The following KCNIP1 variants were observed in gnomAD, a reference collection of about 807,000 sequenced individuals.
KCNIP1 encodes A-type potassium channel modulatory protein KCNIP1.
In KCNIP1, 18 loss-of-function variants were observed where a neutral mutation model predicts 33.0. The observed-to-expected ratio is 0.55, with a 90% CI of 0.38 to 0.81. KCNIP1 has a LOEUF of 0.81. KCNIP1 is among the 30% of genes least tolerant of loss of function. The probability of loss-of-function intolerance (pLI) is 0.00; values close to 1 mark genes in which losing one functional copy is unlikely to be tolerated. For missense variants in KCNIP1, 238 were observed against 271.6 expected (o/e 0.88, Z 0.87); for synonymous variants, 93 against 98.3 (o/e 0.95, Z 0.32).
At chr5:170,623,619 T>C (rs1759698227) in intron 1 of KCNIP1, among the ~76,000 whole-genome samples, 1 of 152,022 alleles carries the variant, frequency 6.6e-6, no homozygotes, top group African/African-American at 2.4e-5. Context: ...ACGAAACCGA[T>C]GCGAAAAGTG....
chr5:170,710,680 AT>A (rs561232378), intron 1 of KCNIP1, among the ~76,000 whole-genome samples: 2 of 152,060 alleles, frequency 1.3e-5, no homozygotes, highest in Admixed American at 6.6e-5. Context: ...AAATGATGAG[AT>A]TTTTTTTTAA....
At chr5:170,367,107 T>G (rs1763684358) in intron 1 of KCNIP1, among the ~76,000 whole-genome samples, 1 of 151,926 alleles carries the variant, frequency 6.6e-6, no homozygotes, top group Non-Finnish European at 1.5e-5. Flanking sequence ...TCCCTTGAGG[T>G]CAGGAGCTCG....
At chr5:170,562,720 C>T (rs1031536672) in intron 1 of KCNIP1, among the ~76,000 whole-genome samples, 1 of 152,202 alleles carries the variant, frequency 6.6e-6, no homozygotes, top group African/African-American at 2.4e-5. Context: ...CAACAAGGGG[C>T]ACATTTGCAT....
chr5:170,426,063 C>T (rs1438128938), intron 1 of KCNIP1, among the ~76,000 whole-genome samples: 1 of 152,304 alleles, frequency 6.6e-6, no homozygotes, highest in Admixed American at 6.5e-5. Context: ...AGCCTGGTGG[C>T]CGCTTCTCCA....
At chr5:170,569,292 C>T (rs970489117) in intron 1 of KCNIP1, among the ~76,000 whole-genome samples, 18 of 152,244 alleles carry the variant, frequency 1.2e-4, no homozygotes, top group African/African-American at 4.3e-4. Flanking sequence ...ATCTGCACCC[C>T]CACCCCCCGC....
chr5:170,486,467 A>C (rs888996620), intron 1 of KCNIP1: 4 of 152,400 alleles, frequency 2.6e-5, no homozygotes, highest in African/African-American at 7.2e-5. Context: ...ACATGTGACC[A>C]ATCACATTGT....
intron 1 of KCNIP1, among the ~76,000 whole-genome samples, chr5:170,450,256 A>G (rs1440618183): frequency 6.6e-6 from 1 of 152,042 alleles, no homozygotes; most frequent in African/African-American, 2.4e-5. Context: ...GACTCTTTAC[A>G]GCACCCTCCT....
At chr5:170,536,699 C>T (rs1182241931) in intron 1 of KCNIP1, among the ~76,000 whole-genome samples, 2 of 152,168 alleles carry the variant, frequency 1.3e-5, no homozygotes, top group Non-Finnish European at 2.9e-5. Context: ...TGGGCTGCCT[C>T]TCTGTGATTT....
intron 1 of KCNIP1, among the ~76,000 whole-genome samples, chr5:170,535,501 TCTGCTG>T (rs1445807702): frequency 3.9e-5 from 6 of 152,050 alleles, no homozygotes; most frequent in Admixed American, 1.3e-4. Context: ...AGCTCCCACT[TCTGCTG>T]ATGTGGGACT....
intron 1 of KCNIP1, among the ~76,000 whole-genome samples, chr5:170,449,314 G>A (rs1756190915): frequency 6.6e-6 from 1 of 152,198 alleles, no homozygotes; most frequent in Admixed American, 6.5e-5. Flanking sequence ...TAAGCTCTTT[G>A]TCCCAACTCC....
intron 1 of KCNIP1, chr5:170,382,920 G>A (rs887892151): frequency 2.7e-5 from 4 of 149,352 alleles, no homozygotes; most frequent in African/African-American, 1.0e-4. Flanking sequence ...ATAAATAAAT[G>A]AGAGGAGGAA....
At chr5:170,502,240 A>T (rs1361722951), upstream of KCNIP1, among the ~76,000 whole-genome samples, 2 of 152,206 alleles carry the variant, frequency 1.3e-5, no homozygotes, top group East Asian at 3.8e-4. Flanking sequence ...GGCAATGCAA[A>T]GGAAAGGAAG....
At chr5:170,531,907 C>T (rs1376274650) in intron 1 of KCNIP1, among the ~76,000 whole-genome samples, 1 of 152,146 alleles carries the variant, frequency 6.6e-6, no homozygotes, top group Non-Finnish European at 1.5e-5. Flanking sequence ...CAAGTCCTGC[C>T]CCCATCTTCC....
intron 1 of KCNIP1, among the ~76,000 whole-genome samples, chr5:170,519,817 C>T (rs981446624): frequency 6.6e-6 from 1 of 151,980 alleles, no homozygotes; most frequent in African/African-American, 2.4e-5. Flanking sequence ...GGCTGCCTGC[C>T]CATAGCAAGC....
intron 1 of KCNIP1, among the ~76,000 whole-genome samples, chr5:170,601,133 C>T (rs1248092503): frequency 2.0e-5 from 3 of 152,224 alleles, no homozygotes; most frequent in African/African-American, 7.2e-5. Flanking sequence ...CCTCTGTGTA[C>T]AGAGCAGCGT....
intron 1 of KCNIP1, among the ~76,000 whole-genome samples, chr5:170,393,927 G>A (rs1405716513): frequency 6.6e-6 from 1 of 152,156 alleles, no homozygotes; most frequent in Non-Finnish European, 1.5e-5. Flanking sequence ...TGTCTGTGTG[G>A]TAAGGTTGGT....
intron 1 of KCNIP1, among the ~76,000 whole-genome samples, chr5:170,587,216 G>C (rs1758022564): frequency 6.6e-6 from 1 of 152,128 alleles, no homozygotes; most frequent in African/African-American, 2.4e-5. Context: ...GAGGTCAGGA[G>C]TTCAAGACTA....
chr5:170,718,697 G>A, intron 1 of KCNIP1, 61 bp from the exon 2 acceptor site: 1 of 1,603,930 alleles, frequency 6.2e-7, no homozygotes. Flanking sequence ...AGCCCAGATT[G>A]TTACCTAACA....
chr5:170,556,175 G>A (rs1561684953), intron 1 of KCNIP1, among the ~76,000 whole-genome samples: 1 of 152,222 alleles, frequency 6.6e-6, no homozygotes, highest in Non-Finnish European at 1.5e-5. Context: ...TGATGGATGA[G>A]CAAGCTGTGG....
Sources: gnomAD v4.1 joint callset for allele counts (sites outside exome capture counted in the v4.1 genomes callset) on GRCh38, gnomAD v4.1.1 for gene constraint, MANE v1.5 for transcripts, NCBI Gene and HGNC (gene_info 2026-07-23, HGNC 2026-07-21) for gene names.